RAP1A: variants seen among roughly 807,000 people sequenced by gnomAD.
RAP1A encodes RAP1A, member of RAS oncogene family, also known as ras-related protein Rap-1A.
Under a neutral mutation model 26.4 loss-of-function variants are expected in RAP1A, and 6 were observed. That is an observed-to-expected ratio of 0.23 (90% CI 0.12 to 0.45). The LOEUF (loss-of-function observed/expected upper bound fraction) is 0.45, where lower values mean the gene tolerates loss of function less well. RAP1A is among the 20% of genes least tolerant of loss of function. The probability of loss-of-function intolerance (pLI) is 0.99; values close to 1 mark genes in which losing one functional copy is unlikely to be tolerated. For synonymous variants in RAP1A, 73 were observed against 79.4 expected (o/e 0.92, Z 0.43); for missense variants, 121 against 217.2 (o/e 0.56, Z 2.78).
At chr1:111,564,058 G>A (rs950348999) in intron 1 of RAP1A, 7 of 815,518 alleles carry the variant, frequency 8.6e-6, no homozygotes, top group Non-Finnish European at 1.5e-5. Context: ...CCTGTTTTGG[G>A]GGGTAGAGAA....
At chr1:111,688,808 G>GTTTTTTTTTTTTTTGTTTTTT (rs753016302) in intron 1 of RAP1A, among the ~76,000 whole-genome samples, 5 of 124,176 alleles carry the variant, frequency 4.0e-5, no homozygotes, top group South Asian at 2.7e-4. Context: ...TTTTGTTTTT[G>GTTTTTTTTTTTTTTGTTTTTT]TTTTTTTTTT....
chr1:111,597,789 CA>C (rs1658589243), intron 1 of RAP1A, among the ~76,000 whole-genome samples: 1 of 152,136 alleles, frequency 6.6e-6, no homozygotes, highest in Non-Finnish European at 1.5e-5. Context: ...CAACACTCAA[CA>C]GGGGAGACAT....
At chr1:111,673,803 A>G (rs141199039) in intron 1 of RAP1A, among the ~76,000 whole-genome samples, 102 of 152,290 alleles carry the variant, frequency 6.7e-4, no homozygotes, top group South Asian at 1.2e-3. Context: ...ATTAACTTAC[A>G]TTCTTATTGG....
chr1:111,706,896 T>A (rs1358507229), intron 6 of RAP1A: 1 of 244,438 alleles, frequency 4.1e-6, no homozygotes, highest in Non-Finnish European at 6.6e-6. Flanking sequence ...AGAAACTACT[T>A]GTAATTTTTA....
At chr1:111,598,791 C>G (rs1226670106) in intron 1 of RAP1A, among the ~76,000 whole-genome samples, 1 of 152,142 alleles carries the variant, frequency 6.6e-6, no homozygotes, top group Non-Finnish European at 1.5e-5. Context: ...CCAACACTAT[C>G]TACCTGGCGA....
At chr1:111,687,120 C>G (rs1171152662) in intron 1 of RAP1A, among the ~76,000 whole-genome samples, 1 of 151,404 alleles carries the variant, frequency 6.6e-6, no homozygotes, top group East Asian at 1.9e-4. Context: ...ACCATCTTGC[C>G]TTTTGCCTTG....
chr1:111,615,980 TG>T (rs1334368560), upstream of RAP1A, among the ~76,000 whole-genome samples: 1 of 152,212 alleles, frequency 6.6e-6, no homozygotes, highest in African/African-American at 2.4e-5. Context: ...CAGCTCACTA[TG>T]CTTTAGGGAC....
At chr1:111,694,556 CT>C (rs1198553068) in intron 2 of RAP1A, among the ~76,000 whole-genome samples, 17 of 152,186 alleles carry the variant, frequency 1.1e-4, no homozygotes. Flanking sequence ...CTAGTATGTG[CT>C]TTTGGATGCC....
At chr1:111,677,279 G>T (rs1423258153) in intron 1 of RAP1A, among the ~76,000 whole-genome samples, 1 of 152,156 alleles carries the variant, frequency 6.6e-6, no homozygotes, top group Non-Finnish European at 1.5e-5. Context: ...AGATACTTGG[G>T]TTGTCTGTAG....
intron 1 of RAP1A, among the ~76,000 whole-genome samples, chr1:111,568,955 G>A (rs1030667102): frequency 1.1e-4 from 17 of 151,356 alleles, no homozygotes; most frequent in African/African-American, 1.2e-4. Context: ...TTTTCTTTTC[G>A]CTAGCTTACT....
At chr1:111,674,880 T>C (rs1287098950) in intron 1 of RAP1A, among the ~76,000 whole-genome samples, 1 of 152,216 alleles carries the variant, frequency 6.6e-6, no homozygotes, top group Non-Finnish European at 1.5e-5. Flanking sequence ...CTATTCTCCC[T>C]GCCTCTAGTC....
At chr1:111,654,188 G>C (rs1427242271) in intron 1 of RAP1A, among the ~76,000 whole-genome samples, 2 of 152,112 alleles carry the variant, frequency 1.3e-5, no homozygotes, top group Non-Finnish European at 2.9e-5. Flanking sequence ...TTACTGTAAG[G>C]ATTTTAGTTC....
intron 1 of RAP1A, among the ~76,000 whole-genome samples, chr1:111,574,466 A>G (rs961003194): frequency 1.3e-5 from 2 of 152,172 alleles, no homozygotes; most frequent in Non-Finnish European, 2.9e-5. Flanking sequence ...TATGAATTTT[A>G]AAATAGTTTT....
rs144657814 is a variant in RAP1A, at chr1:111,654,831, A to G, written c.-28+34897A>G. 9.1e-3 allele frequency among the ~76,000 whole-genome samples: 1,369 copies of G among 150,278 alleles called. 16 individuals are homozygous for G. Among genetic ancestry groups the G allele is most frequent in the Non-Finnish European group, 0.012 (836 of 67,720 alleles). On this transcript the variant is annotated intron_variant, in intron 1 of 7. Transcript: ENST00000369709. ...CTTTACCATATTTTATTATATGTTT[A>G]TTTACTTATTGGACATAAAATTATT... is the stretch of plus-strand genomic sequence containing the variant.
chr1:111,604,258 C>T (rs2101074417), intron 1 of RAP1A: 1 of 152,392 alleles, frequency 6.6e-6, no homozygotes, highest in Middle Eastern at 3.4e-3. Flanking sequence ...GGAGAGCTGA[C>T]AAGCCAAGTT....
At chr1:111,592,480 T>C (rs1658488414) in intron 1 of RAP1A, among the ~76,000 whole-genome samples, 1 of 152,106 alleles carries the variant, frequency 6.6e-6, no homozygotes, top group East Asian at 1.9e-4. Context: ...AACCTGAAGT[T>C]TAGGGTAAAT....
At chr1:111,688,494 T>C (rs1252193874) in intron 1 of RAP1A, among the ~76,000 whole-genome samples, 1 of 151,854 alleles carries the variant, frequency 6.6e-6, no homozygotes, top group Admixed American at 6.6e-5. Flanking sequence ...TAATTTTTTG[T>C]ACTTTAGTAG....
intron 6 of RAP1A, 44 bp from the exon 7 acceptor site, chr1:111,709,105 C>CA: frequency 6.3e-7 from 1 of 1,578,484 alleles, no homozygotes; most frequent in South Asian, 1.2e-5. Flanking sequence ...AACAAAGTCT[C>CA]AAAAACTGGT....
rs74109858 is a variant in RAP1A at position 111,698,727 on chromosome 1, C to A, written c.183+1230C>A. ...TAGTACTAATTATACTGTATTTTTC[C>A]ATTCTTTTTTGGGAAAATGGCTTAA... On this transcript the variant is annotated intron_variant, in intron 4 of 7. Transcript: ENST00000369709. Among the ~76,000 whole-genome samples the A allele has an allele frequency of 4.4e-3, 676 of 152,076 alleles. 4 individuals are homozygous for A. The highest frequency in any genetic ancestry group is 0.014 in the African/African-American group (577 of 41,488).
Sources: allele counts gnomAD v4.1 joint callset (sites outside exome capture counted in the v4.1 genomes callset), GRCh38; gene constraint gnomAD v4.1.1; transcripts MANE v1.5; gene names NCBI Gene and HGNC (gene_info 2026-07-23, HGNC 2026-07-21).